SLC7A9: variants seen among roughly 807,000 people sequenced by gnomAD.
SLC7A9 encodes solute carrier family 7 member 9, also known as B(0,+)-type amino acid transporter 1.
In SLC7A9, 38 loss-of-function variants were observed where a neutral mutation model predicts 54.1. The ratio of observed to expected loss-of-function variants is 0.70; its 90% CI spans 0.54 to 0.92. SLC7A9 has a LOEUF of 0.92. SLC7A9 is among the 40% of genes least tolerant of loss of function. The pLI is 0.00. For missense variants in SLC7A9, 537 were observed against 636.1 expected, an observed-to-expected ratio of 0.84 and a Z score of 1.68; for synonymous variants, 264 against 258.9, an observed-to-expected ratio of 1.02 and a Z score of -0.19.
rs768466784 is a variant in SLC7A9, at chr19:32,843,937, G to C, written c.992C>G (p.Ala331Gly). 1 of 1,613,252 alleles carries C rather than the reference G, an allele frequency of 6.2e-7. No individual in the cohort carries two copies. The highest frequency in any genetic ancestry group is 2.2e-5 in the East Asian group (1 of 44,868). ...TTTGAGCATGTGACCCTCCCGGCCCGCCACGTAAATGAGTCTGGAAAATAA... is the reference window on the plus strand; with the variant it reads ...TTTGAGCATGTGACCCTCCCGGCCCCCCACGTAAATGAGTCTGGAAAATAA... ...CFTAGRLIYV[A>G]GREGHMLKVL... Residue 331 changes from alanine (A) to glycine (G), a missense_variant, in exon 10 of 13, where the codon GCG becomes GGG. Coordinates refer to ENST00000023064, the MANE Select transcript of SLC7A9 (RefSeq NM_014270.5).
At position 32,858,463 on chromosome 19, in the gene SLC7A9, G is replaced by A. The variant is rs748030996; in HGVS notation, c.954C>T (p.Asn318=). The A allele has an allele frequency of 1.4e-5, 23 of 1,613,116 alleles. No homozygotes were observed. The East Asian group carries it at 1.6e-4, about 11-fold the overall frequency. ...ACCTGCCCGCTGTGAAGCAGGTCCC[G>A]TTAGCAGCACCGATGGTTGAAAATG... ...FVAFSTIGAA[N]GTCFTAGRLI... The change falls in exon 9 of 13, where the codon AAC becomes AAT. Residue 318 remains asparagine, a synonymous_variant. Coordinates refer to ENST00000023064, the MANE Select transcript of SLC7A9 (RefSeq NM_014270.5).
chr19:32,837,182 T>G lies in SLC7A9; in HGVS notation c.1225-3859A>C, dbSNP rs113633433. Among the ~76,000 whole-genome samples, 33 of 152,198 alleles carry G rather than the reference T, an allele frequency of 2.2e-4. 1 individual carries two copies. The highest frequency in any genetic ancestry group is 7.9e-4 in the African/African-American group (33 of 41,528). ...AACCCCCCAGGCCTGTGTCCCTTCT[T>G]TTAAATTCACCATAGGAAACCTCAA... is the stretch of plus-strand genomic sequence containing the variant. On this transcript the variant is annotated intron_variant, in intron 11 of 12. Transcript: ENST00000023064.
At chr19:32,869,044 C>A (rs1969062358) in intron 1 of SLC7A9, among the ~76,000 whole-genome samples, 1 of 134,536 alleles carries the variant, frequency 7.4e-6, no homozygotes, top group Non-Finnish European at 1.5e-5. Flanking sequence ...CCCGTCTCTA[C>A]TAAAAATGCA....
At chr19:32,864,035 G>A in intron 4 of SLC7A9, 61 bp downstream of exon 4, 1 of 1,610,590 alleles carries the variant, frequency 6.2e-7, no homozygotes, top group African/African-American at 1.3e-5. Context: ...TGAGGGCGGA[G>A]TCCCCAGACA....
intron 10 of SLC7A9, among the ~76,000 whole-genome samples, chr19:32,843,001 T>C (rs1968172402): frequency 6.6e-6 from 1 of 152,156 alleles, no homozygotes; most frequent in South Asian, 2.1e-4. Flanking sequence ...TGGTATTTCC[T>C]GGGTGTGTTT....
At chr19:32,868,396 A>C in intron 2 of SLC7A9, 52 bp downstream of exon 2, 1 of 1,438,416 alleles carries the variant, frequency 7.0e-7, no homozygotes, top group Non-Finnish European at 9.8e-7. Context: ...CCCCTCGTTC[A>C]GACGCCCTTG....
At chr19:32,868,678 G>T in intron 1 of SLC7A9, 33 bp from the exon 2 acceptor site, 3 of 725,762 alleles carry the variant, frequency 4.1e-6, no homozygotes, top group Non-Finnish European at 5.0e-6. Flanking sequence ...ATTGCTGCAG[G>T]TGGGGGCCGC....
chr19:32,852,453 C>T (rs1300483861), intron 9 of SLC7A9, among the ~76,000 whole-genome samples: 1 of 152,042 alleles, frequency 6.6e-6, no homozygotes, highest in Non-Finnish European at 1.5e-5. Flanking sequence ...ATGATTGCAC[C>T]ACCACACTCC....
intron 3 of SLC7A9, 142 bp downstream of exon 3, chr19:32,864,487 A>G (rs552815185): frequency 3.8e-4 from 576 of 1,499,554 alleles, no homozygotes; most frequent in Non-Finnish European, 5.0e-4. Flanking sequence ...AGCGTTGGAC[A>G]TTCAGTCCAG....
intron 11 of SLC7A9, 70 bp from the exon 12 acceptor site, chr19:32,833,393 T>G (rs1967865136): frequency 1.2e-5 from 17 of 1,442,938 alleles, no homozygotes; most frequent in Non-Finnish European, 1.6e-5. Context: ...AAACCGATTT[T>G]TATAAAAAGA....
At chr19:32,832,162 G>A (rs992185975) in intron 12 of SLC7A9, among the ~76,000 whole-genome samples, 5 of 151,884 alleles carry the variant, frequency 3.3e-5, no homozygotes, top group East Asian at 1.9e-4. Flanking sequence ...GGTGGCAGGC[G>A]CCTGTAATCC....
At chr19:32,850,491 AAGG>A (rs1378706898) in intron 9 of SLC7A9, among the ~76,000 whole-genome samples, 1 of 151,962 alleles carries the variant, frequency 6.6e-6, no homozygotes, top group African/African-American at 2.4e-5. Context: ...GGACCTCTTC[AAGG>A]AGAACTACAA....
rs143426019 is a variant in SLC7A9, at chr19:32,831,578, G to A, written c.1400-894C>T. On this transcript the variant is annotated intron_variant, in intron 12 of 12. Coordinates refer to ENST00000023064, the MANE Select transcript of SLC7A9 (RefSeq NM_014270.5). ...GCTGGGATTACAGACATGAGCCACC[G>A]TGCCCGGCCCGATATAGACTTTTTT... is the stretch of plus-strand genomic sequence containing the variant. Among the ~76,000 whole-genome samples the A allele has an allele frequency of 4.5e-3, 689 of 152,278 alleles. 7 individuals carry two copies. Among genetic ancestry groups the A allele is most frequent in the African/African-American group, 0.015 (643 of 41,562 alleles).
chr19:32,866,448 G>A (rs1396242635), intron 2 of SLC7A9, among the ~76,000 whole-genome samples: 4 of 152,170 alleles, frequency 2.6e-5, no homozygotes, highest in African/African-American at 9.7e-5. Flanking sequence ...TTTAGAGTCA[G>A]GGTCTCGCTC....
chr19:32,867,346 AT>A (rs1192093751), intron 2 of SLC7A9, among the ~76,000 whole-genome samples: 1 of 151,896 alleles, frequency 6.6e-6, no homozygotes, highest in Non-Finnish European at 1.5e-5. Flanking sequence ...TACAGAAAGA[AT>A]TTTTTTGAAA....
rs372780148 is a variant in SLC7A9, at chr19:32,868,441, G to T, written c.87+7C>A. ...CAAAGGGCCTGCCCCACCAGAGACCGCCTTACCTCCTTTTGGAGACTGGTG... is the reference window on the plus strand; with the variant it reads ...CAAAGGGCCTGCCCCACCAGAGACCTCCTTACCTCCTTTTGGAGACTGGTG... On this transcript the variant is annotated splice_region_variant and intron_variant, in intron 2 of 12. Coordinates refer to ENST00000023064, the MANE Select transcript of SLC7A9 (RefSeq NM_014270.5). 2.5e-6 allele frequency: 4 copies of T among 1,612,112 alleles called. No homozygotes were observed. Among genetic ancestry groups the T allele is most frequent in the Non-Finnish European group, 3.4e-6 (4 of 1,178,316 alleles).
At chr19:32,861,675 C>A (rs1162609380) in intron 6 of SLC7A9, among the ~76,000 whole-genome samples, 1 of 152,064 alleles carries the variant, frequency 6.6e-6, no homozygotes, top group Admixed American at 6.6e-5. Flanking sequence ...ATTATCAGGG[C>A]ATGGCAGCTC....
At chr19:32,861,331 C>CAA (rs541220958) in intron 6 of SLC7A9, among the ~76,000 whole-genome samples, 1 of 133,912 alleles carries the variant, frequency 7.5e-6, no homozygotes, top group African/African-American at 2.8e-5. Flanking sequence ...GACTCCGTCT[C>CAA]AAAAAAAAAA....
At chr19:32,846,682 G>A (rs1380003593) in intron 9 of SLC7A9, among the ~76,000 whole-genome samples, 1 of 152,224 alleles carries the variant, frequency 6.6e-6, no homozygotes, top group Non-Finnish European at 1.5e-5. Flanking sequence ...GGTTCTCCCA[G>A]CACACAGCTG....
Sources: allele counts gnomAD v4.1 joint callset (sites outside exome capture counted in the v4.1 genomes callset), GRCh38; gene constraint gnomAD v4.1.1; transcripts MANE v1.5; gene names NCBI Gene and HGNC (gene_info 2026-07-23, HGNC 2026-07-21).